KAZN: variants seen among roughly 807,000 people sequenced by gnomAD.
The protein encoded by KAZN is kazrin, periplakin interacting protein.
In KAZN, 40 loss-of-function variants were observed where a neutral mutation model predicts 87.4. The observed-to-expected ratio is 0.46, with a 90% CI of 0.36 to 0.60. The LOEUF is 0.60. Ranked by LOEUF, KAZN falls within the 20% of genes least tolerant of loss-of-function variation. KAZN has a pLI of 0.00. For missense variants in KAZN, 898 were observed against 1,073.9 expected, an observed-to-expected ratio of 0.84 and a Z score of 2.29; for synonymous variants, 466 against 458.3, an observed-to-expected ratio of 1.02 and a Z score of -0.22.
At chr1:14,540,963 G>A (rs1035894991) in intron 2 of KAZN, among the ~76,000 whole-genome samples, 1 of 152,118 alleles carries the variant, frequency 6.6e-6, no homozygotes, top group African/African-American at 2.4e-5. Context: ...ATAATTAGAT[G>A]AACAAGGACA....
intron 1 of KAZN, among the ~76,000 whole-genome samples, chr1:14,656,552 TAAAGA>T (rs1337162754): frequency 6.6e-6 from 1 of 152,174 alleles, no homozygotes; most frequent in Non-Finnish European, 1.5e-5. Flanking sequence ...GGGTCATTTC[TAAAGA>T]AAAGAGGTTT....
At chr1:15,107,128 G>A (rs562175786) in intron 13 of KAZN, among the ~76,000 whole-genome samples, 1 of 152,258 alleles carries the variant, frequency 6.6e-6, no homozygotes, top group East Asian at 1.9e-4. Context: ...TCTCTCCCCT[G>A]GGATCTAAGC....
At chr1:14,601,383 T>C (rs1170925156) in intron 1 of KAZN, among the ~76,000 whole-genome samples, 1 of 152,228 alleles carries the variant, frequency 6.6e-6, no homozygotes, top group East Asian at 1.9e-4. Flanking sequence ...TATCATTTAC[T>C]TGTCTGTAGC....
At chr1:14,687,381 A>G (rs1020547025) in intron 1 of KAZN, among the ~76,000 whole-genome samples, 1 of 152,168 alleles carries the variant, frequency 6.6e-6, no homozygotes, top group Non-Finnish European at 1.5e-5. Flanking sequence ...GAACTCAGAG[A>G]ACTGGAGGAG....
chr1:14,186,679 G>C lies in KAZN; in HGVS notation c.249+6087G>C, dbSNP rs373072433. On this transcript the variant is annotated intron_variant, in intron 2 of 16. Transcript: ENST00000636203. ...GTTGATGGATGGTCTCGCCATGACTGTGAGCAAGTGCAGACTGGTATTATT... is the reference window on the plus strand; with the variant it reads ...GTTGATGGATGGTCTCGCCATGACTCTGAGCAAGTGCAGACTGGTATTATT... Among the ~76,000 whole-genome samples the C allele has an allele frequency of 2.6e-5, 4 of 152,300 alleles. No homozygotes were observed. In the South Asian group the frequency reaches 6.2e-4, roughly 24 times the overall value.
intron 2 of KAZN, among the ~76,000 whole-genome samples, chr1:14,993,954 G>A (rs1269763927): frequency 1.3e-5 from 2 of 152,196 alleles, no homozygotes; most frequent in Non-Finnish European, 2.9e-5. Flanking sequence ...GGGAGATTAC[G>A]GGGACTTCTG....
chr1:14,370,950 G>A (rs1273668463), intron 2 of KAZN, among the ~76,000 whole-genome samples: 2 of 152,162 alleles, frequency 1.3e-5, no homozygotes, highest in African/African-American at 4.8e-5. Context: ...CTCCCAAAGT[G>A]CTGAGATTAG....
At chr1:14,018,427 G>C (rs928642683) in intron 1 of KAZN, among the ~76,000 whole-genome samples, 4 of 152,194 alleles carry the variant, frequency 2.6e-5, no homozygotes, top group African/African-American at 9.7e-5. Context: ...TCGCCCTTTT[G>C]GGAGACATGG....
intron 1 of KAZN, among the ~76,000 whole-genome samples, chr1:14,883,356 AAAG>A (rs1286138359): frequency 3.8e-4 from 2 of 5,298 alleles, no homozygotes; most frequent in African/African-American, 1.6e-3. Flanking sequence ...GAAAGAAAGA[AAAG>A]AAAGAAAGAA....
chr1:14,118,421 T>C (rs1644677446), intron 1 of KAZN, among the ~76,000 whole-genome samples: 1 of 152,168 alleles, frequency 6.6e-6, no homozygotes, highest in African/African-American at 2.4e-5. Flanking sequence ...GATAAGGTGG[T>C]TTGAAGACCT....
At chr1:14,630,501 A>G (rs1464681062) in intron 1 of KAZN, among the ~76,000 whole-genome samples, 1 of 152,246 alleles carries the variant, frequency 6.6e-6, no homozygotes, top group Non-Finnish European at 1.5e-5. Context: ...AGCCTGGGCA[A>G]TATAGTGAGA....
intron 1 of KAZN, among the ~76,000 whole-genome samples, chr1:14,665,803 A>G (rs902877433): frequency 1.3e-5 from 2 of 152,046 alleles, no homozygotes; most frequent in Non-Finnish European, 1.5e-5. Flanking sequence ...TTGTTCTGTT[A>G]AAGCACACGG....
chr1:13,965,700 C>T (rs527767702), intron 1 of KAZN, among the ~76,000 whole-genome samples: 24 of 152,274 alleles, frequency 1.6e-4, no homozygotes, highest in African/African-American at 4.6e-4. Context: ...CACTCCGCAG[C>T]GACTTCTGCT....
intron 1 of KAZN, among the ~76,000 whole-genome samples, chr1:14,669,931 C>A (rs1282775408): frequency 6.6e-6 from 1 of 152,026 alleles, no homozygotes; most frequent in African/African-American, 2.4e-5. Flanking sequence ...CAGAGGCTAC[C>A]AAGAAGTACA....
chr1:15,031,134 C>T (rs1039288926), intron 2 of KAZN, among the ~76,000 whole-genome samples: 3 of 152,232 alleles, frequency 2.0e-5, no homozygotes, highest in Admixed American at 2.0e-4. Flanking sequence ...CCTCAGCTAG[C>T]CTTGGGGCTG....
At position 14,904,587 on chromosome 1, in the gene KAZN, C is replaced by T. The variant is rs949214183; in HGVS notation, c.227-56097C>T. On this transcript the variant is annotated intron_variant, in intron 1 of 14. Transcript: ENST00000376030. ...AGGCAGCAGCACAGACAGGCCCGTG[C>T]GCCACATGTCAGATTCCCGACTAGA... Among the ~76,000 whole-genome samples the T allele has an allele frequency of 1.2e-4, 18 of 152,316 alleles. 1 individual carries two copies. In the South Asian group the frequency reaches 3.1e-3, roughly 26 times the overall value.
At chr1:14,942,474 G>A (rs1011959088) in intron 1 of KAZN, among the ~76,000 whole-genome samples, 4 of 152,210 alleles carry the variant, frequency 2.6e-5, no homozygotes, top group African/African-American at 9.6e-5. Context: ...ACGTTAACAC[G>A]CAGTGTTTCT....
intron 13 of KAZN, among the ~76,000 whole-genome samples, chr1:15,105,684 G>C (rs16851290): frequency 0.29 from 44,255 of 151,810 alleles, 6,603 homozygotes; most frequent in Non-Finnish European, 0.33. Flanking sequence ...GATCCTTAGG[G>C]AGCAGCTGGG....
rs183423425 is a variant in KAZN at position 14,809,614 on chromosome 1, G to A, written c.227-151070G>A. On this transcript the variant is annotated intron_variant, in intron 1 of 14. Coordinates refer to ENST00000376030, the MANE Select transcript of KAZN (RefSeq NM_201628.3). ...CCGAATACAATTGTCTCCAGAGCTG[G>A]CTAGAGCCAGAATCCTATTTGGTTT... Among the ~76,000 whole-genome samples the A allele has an allele frequency of 3.9e-5, 6 of 152,322 alleles. No homozygotes were observed. The East Asian group carries it at 1.2e-3, about 29-fold the overall frequency.
Sources: gnomAD v4.1 joint callset for allele counts (sites outside exome capture counted in the v4.1 genomes callset) on GRCh38, gnomAD v4.1.1 for gene constraint, MANE v1.5 for transcripts, NCBI Gene and HGNC (gene_info 2026-07-23, HGNC 2026-07-21) for gene names.